Variants in ELFN1 observed in about 807,000 individuals in gnomAD.
The protein encoded by ELFN1 is extracellular leucine rich repeat and fibronectin type III domain containing 1.
In ELFN1, 6 loss-of-function variants were observed where a neutral mutation model predicts 7.6. The ratio of observed to expected loss-of-function variants is 0.79; its 90% CI spans 0.43 to 1.56. The LOEUF is 1.56. ELFN1 is among the 40% of genes most tolerant of loss of function. ELFN1 has a pLI of 0.01. For synonymous variants in ELFN1, 657 were observed against 588.1 expected, an observed-to-expected ratio of 1.12 and a Z score of -1.70; for missense variants, 1,169 against 1,232.2, an observed-to-expected ratio of 0.95 and a Z score of 0.77.
chr7:1,669,024 G>A (rs1310975138), upstream of ELFN1, among the ~76,000 whole-genome samples: 2 of 152,118 alleles, frequency 1.3e-5, no homozygotes, highest in Non-Finnish European at 2.9e-5. Context: ...TACTAAATTC[G>A]GGCCAGTGCT....
At position 1,740,278 on chromosome 7, in the gene ELFN1, C is replaced by T. The variant is rs568825992; in HGVS notation, c.-293-4026C>T. ...CCGCCCTCCTGAGGGATGCCTATTG[C>T]CCTCCCTGGGGCCTTGTGGTCCACG... On this transcript the variant is annotated intron_variant, in intron 3 of 3. Coordinates refer to ENST00000424383, the MANE Select transcript of ELFN1 (RefSeq NM_001128636.4). The surrounding 1 kb of genome is among the most constrained non-coding windows in gnomAD (Gnocchi z 5.0). Among the ~76,000 whole-genome samples, 3 of 152,314 alleles carry T rather than the reference C, an allele frequency of 2.0e-5. No homozygotes were observed. Among genetic ancestry groups the T allele is most frequent in the African/African-American group, 4.8e-5 (2 of 41,566 alleles).
At chr7:1,679,767 A>G (rs1040396663) in intron 1 of ELFN1, among the ~76,000 whole-genome samples, 2 of 152,208 alleles carry the variant, frequency 1.3e-5, no homozygotes, top group African/African-American at 4.8e-5. Flanking sequence ...CCCCCTGGCC[A>G]CACTCCAACA....
chr7:1,727,328 T>A (rs1371988701), intron 3 of ELFN1, among the ~76,000 whole-genome samples: 2 of 152,258 alleles, frequency 1.3e-5, no homozygotes, highest in East Asian at 3.9e-4. Context: ...TCTGATGGGG[T>A]TATCTCCTGA....
At chr7:1,691,783 G>C (rs1779170448) in intron 2 of ELFN1, 1 of 152,296 alleles carries the variant, frequency 6.6e-6, no homozygotes, top group South Asian at 2.1e-4. Context: ...ACATTGCCAG[G>C]CTGTGTCTAA....
At chr7:1,693,046 T>G (rs2128580833) in intron 2 of ELFN1, 1 of 301,470 alleles carries the variant, frequency 3.3e-6, no homozygotes, top group Non-Finnish European at 6.7e-6. Context: ...CAGGTCAGCC[T>G]CTCCCTGTGA....
intron 2 of ELFN1, among the ~76,000 whole-genome samples, chr7:1,702,860 C>T (rs1779456993): frequency 6.6e-6 from 1 of 151,166 alleles, no homozygotes; most frequent in Non-Finnish European, 1.5e-5. Context: ...CATGCTGAAT[C>T]AGAGTGGTGG....
intron 3 of ELFN1, among the ~76,000 whole-genome samples, chr7:1,731,344 G>A (rs973353445): frequency 1.3e-5 from 2 of 152,158 alleles, no homozygotes; most frequent in Admixed American, 6.5e-5. Context: ...CTAAAGAAAC[G>A]CAGAAAAGGG....
chr7:1,682,261 G>T (rs1168279668), intron 1 of ELFN1, among the ~76,000 whole-genome samples: 2 of 152,096 alleles, frequency 1.3e-5, no homozygotes, highest in Non-Finnish European at 2.9e-5. Context: ...TAGGCCTATT[G>T]TCCAATTTTA....
chr7:1,742,772 A>G (rs1291131903), intron 3 of ELFN1, among the ~76,000 whole-genome samples: 2 of 152,236 alleles, frequency 1.3e-5, no homozygotes, highest in African/African-American at 4.8e-5. Flanking sequence ...TCTTTAAATC[A>G]GAAATAGACT....
chr7:1,700,872 G>T (rs766548198), intron 2 of ELFN1, among the ~76,000 whole-genome samples: 1 of 152,212 alleles, frequency 6.6e-6, no homozygotes, highest in Non-Finnish European at 1.5e-5. Context: ...AGTTGAGCAC[G>T]GGGTTTTTGG....
chr7:1,674,912 T>G (rs963016916), intron 1 of ELFN1, among the ~76,000 whole-genome samples: 1 of 152,116 alleles, frequency 6.6e-6, no homozygotes, highest in Non-Finnish European at 1.5e-5. Context: ...GAGCCCCCAA[T>G]TCAATCTCTG....
intron 3 of ELFN1, among the ~76,000 whole-genome samples, chr7:1,726,788 G>A (rs987356808): frequency 5.9e-5 from 9 of 152,192 alleles, no homozygotes; most frequent in South Asian, 2.1e-4. Flanking sequence ...GCTGTTACCC[G>A]TAGGGCCCAC....
rs116820553 is a variant in ELFN1 at position 1,736,862 on chromosome 7, C to T, written c.-293-7442C>T. The stretch of plus-strand genomic sequence containing the variant: ...CTCCAGTATTCAGACGGGAGAGGGT[C>T]TCCCAGGAGAGGGTTCTCAGGGAGC... On this transcript the variant is annotated intron_variant, in intron 3 of 3. Coordinates refer to ENST00000424383, the MANE Select transcript of ELFN1 (RefSeq NM_001128636.4). 5.8e-3 allele frequency among the ~76,000 whole-genome samples: 885 copies of T among 152,236 alleles called. 10 individuals are homozygous for T. Among genetic ancestry groups the T allele is most frequent in the African/African-American group, 0.02 (834 of 41,548 alleles).
intron 3 of ELFN1, among the ~76,000 whole-genome samples, chr7:1,717,485 C>G (rs1779869892): frequency 6.6e-6 from 1 of 152,166 alleles, no homozygotes; most frequent in African/African-American, 2.4e-5. Flanking sequence ...CAGGCACATG[C>G]TACGGTCCTA....
At chr7:1,715,602 G>T (rs1195735870) in intron 3 of ELFN1, among the ~76,000 whole-genome samples, 1 of 152,208 alleles carries the variant, frequency 6.6e-6, no homozygotes. Context: ...CTGCAGGCAG[G>T]CCAGGCTGCA....
intron 3 of ELFN1, among the ~76,000 whole-genome samples, chr7:1,732,503 T>C (rs1562383378): frequency 2.6e-5 from 4 of 152,150 alleles, no homozygotes; most frequent in Admixed American, 6.5e-5. Context: ...AATAGATTAC[T>C]CAACATAGTG....
Position 1,673,867 on chromosome 7 carries a change from C to T in ELFN1, c.-549+3513C>T, listed in dbSNP as rs2128573506. ...GCTGTGGCTGGACCAGGCCTCCACA[C>T]CTGTAGAGCTGTCCTGGGGCAGCTG... On this transcript the variant is annotated intron_variant, in intron 1 of 3. Transcript: ENST00000424383. The surrounding 1 kb of genome is among the most constrained non-coding windows in gnomAD (Gnocchi z 4.7). 6.6e-6 allele frequency among the ~76,000 whole-genome samples: 1 copy of T among 152,346 alleles called. No homozygotes were observed. The highest frequency in any genetic ancestry group is 2.1e-4 in the South Asian group (1 of 4,826).
At chr7:1,717,832 G>A (rs1779881380) in intron 3 of ELFN1, among the ~76,000 whole-genome samples, 1 of 152,160 alleles carries the variant, frequency 6.6e-6, no homozygotes, top group South Asian at 2.1e-4. Context: ...CGCAGGGGAG[G>A]AGGAAGTTGT....
At chr7:1,669,485 C>G (rs1778719537), upstream of ELFN1, among the ~76,000 whole-genome samples, 1 of 152,104 alleles carries the variant, frequency 6.6e-6, no homozygotes, top group Non-Finnish European at 1.5e-5. Context: ...AGGCTCCTGC[C>G]GGGGGTCCAG....
Sources: allele counts gnomAD v4.1 joint callset (sites outside exome capture counted in the v4.1 genomes callset), GRCh38; gene constraint gnomAD v4.1.1; non-coding constraint Gnocchi (gnomAD v3.1); transcripts MANE v1.5; gene names NCBI Gene and HGNC (gene_info 2026-07-23, HGNC 2026-07-21).